Variants in PRKG1 observed in about 807,000 individuals in gnomAD.
PRKG1 encodes the protein cGMP-dependent protein kinase 1.
Under a neutral mutation model 88.1 loss-of-function variants are expected in PRKG1, and 35 were observed. The ratio of observed to expected loss-of-function variants is 0.40; its 90% CI spans 0.30 to 0.53. The LOEUF is 0.53. Among genes scored for constraint, PRKG1 ranks in the 20% least tolerant of loss-of-function variants. The pLI is 0.59. For synonymous variants in PRKG1, 303 were observed against 292.5 expected (o/e 1.04, Z -0.37); for missense variants, 540 against 839.8 (o/e 0.64, Z 4.41).
intron 4 of PRKG1, among the ~76,000 whole-genome samples, chr10:51,875,523 T>C (rs908276285): frequency 2.6e-5 from 4 of 152,132 alleles, no homozygotes; most frequent in African/African-American, 4.8e-5. Flanking sequence ...TTCTCCAGCT[T>C]CAGCCTCCCA....
At chr10:51,450,608 A>G (rs1197846203) in intron 2 of PRKG1, among the ~76,000 whole-genome samples, 1 of 152,028 alleles carries the variant, frequency 6.6e-6, no homozygotes. Flanking sequence ...ATTTCAGTTC[A>G]TTAGAAGAGA....
In PRKG1 at chr10:51,293,050, C is replaced by A. The variant is rs146724082; in HGVS notation, c.478+139720C>A. ...ATTTGCTCTTACTTCTTTCTTCCCC[C>A]CAGCTTTATTGAGGTATGATTGAAA... On this transcript the variant is annotated intron_variant, in intron 2 of 17. Coordinates refer to ENST00000373980, the MANE Select transcript of PRKG1 (RefSeq NM_006258.4). 1.9e-4 allele frequency among the ~76,000 whole-genome samples: 29 copies of A among 152,094 alleles called. No individual in the cohort carries two copies. The East Asian group carries it at 5.4e-3, about 28-fold the overall frequency.
intron 2 of PRKG1, among the ~76,000 whole-genome samples, chr10:51,351,518 T>C (rs1842246101): frequency 6.6e-6 from 1 of 152,110 alleles, no homozygotes; most frequent in Non-Finnish European, 1.5e-5. Context: ...ATGATGAGTT[T>C]TTTTTTCATA....
chr10:51,697,978 T>C, intron 3 of PRKG1: 1 of 1,607,700 alleles, frequency 6.2e-7, no homozygotes, highest in Non-Finnish European at 8.5e-7. Flanking sequence ...TCCCTCCTCC[T>C]TGTATGCCTG....
At chr10:51,618,851 T>G (rs561794168) in intron 3 of PRKG1, among the ~76,000 whole-genome samples, 1 of 151,818 alleles carries the variant, frequency 6.6e-6, no homozygotes, top group Non-Finnish European at 1.5e-5. Context: ...TTACTGCAAC[T>G]TCCGCCTCCT....
intron 2 of PRKG1, among the ~76,000 whole-genome samples, chr10:51,233,366 A>C (rs1011230928): frequency 6.6e-6 from 1 of 152,186 alleles, no homozygotes; most frequent in Non-Finnish European, 1.5e-5. Flanking sequence ...CTTGAGATCT[A>C]TTTCTACACT....
chr10:52,215,394 CAAAA>C (rs565578326), intron 9 of PRKG1, among the ~76,000 whole-genome samples: 4 of 95,840 alleles, frequency 4.2e-5, no homozygotes, highest in African/African-American at 7.9e-5. Flanking sequence ...AACTCCATCT[CAAAA>C]AAAAAAAAAA....
At chr10:51,529,279 G>T (rs185801033) in intron 3 of PRKG1, among the ~76,000 whole-genome samples, 1 of 152,108 alleles carries the variant, frequency 6.6e-6, no homozygotes, top group African/African-American at 2.4e-5. Flanking sequence ...CTACACTATT[G>T]CATTGATGTC....
At chr10:51,727,820 A>C in intron 3 of PRKG1, among the ~76,000 whole-genome samples, 1 of 152,308 alleles carries the variant, frequency 6.6e-6, no homozygotes, top group South Asian at 2.1e-4. Flanking sequence ...ATTTTAATAT[A>C]TTGAAGTCTA....
At chr10:51,448,235 A>C (rs964296019) in intron 2 of PRKG1, among the ~76,000 whole-genome samples, 1 of 152,066 alleles carries the variant, frequency 6.6e-6, no homozygotes, top group African/African-American at 2.4e-5. Context: ...GCAATAGAGC[A>C]AGACCCTGTT....
intron 3 of PRKG1, among the ~76,000 whole-genome samples, chr10:51,575,282 T>C (rs1418773508): frequency 1.3e-5 from 2 of 151,950 alleles, no homozygotes; most frequent in African/African-American, 2.4e-5. Flanking sequence ...AAGTTGGCCT[T>C]TTGGTTAGGC....
At chr10:51,735,930 CTTTTTTT>C (rs1180307253) in intron 3 of PRKG1, among the ~76,000 whole-genome samples, 12 of 74,966 alleles carry the variant, frequency 1.6e-4, no homozygotes, top group African/African-American at 2.2e-4. Flanking sequence ...TTTAAGTTGT[CTTTTTTT>C]TTTTTTTTTT....
intron 11 of PRKG1, 80 bp downstream of exon 11, chr10:52,271,569 A>C (rs1841731523): frequency 7.0e-7 from 1 of 1,427,780 alleles, no homozygotes; most frequent in Admixed American, 2.2e-5. Context: ...ACTTGTGCTC[A>C]CTGTTAACAC....
intron 8 of PRKG1, among the ~76,000 whole-genome samples, chr10:52,150,009 A>G (rs888178641): frequency 4.6e-5 from 7 of 151,780 alleles, no homozygotes; most frequent in Non-Finnish European, 1.0e-4. Context: ...TTAGCTGGGC[A>G]TGGTGGTGGG....
chr10:52,162,524 AATT>A (rs946416538), intron 9 of PRKG1, among the ~76,000 whole-genome samples: 20 of 152,064 alleles, frequency 1.3e-4, no homozygotes, highest in Admixed American at 7.9e-4. Flanking sequence ...TTTTCTGCAA[AATT>A]ATTATTTTTA....
At chr10:52,131,770 C>T (rs900458813) in intron 7 of PRKG1, among the ~76,000 whole-genome samples, 1 of 124,074 alleles carries the variant, frequency 8.1e-6, no homozygotes, top group Non-Finnish European at 1.6e-5. Context: ...TGCAGTGAGC[C>T]GAGTGCTACT....
At chr10:51,963,907 C>A (rs1843506619) in intron 5 of PRKG1, among the ~76,000 whole-genome samples, 1 of 152,136 alleles carries the variant, frequency 6.6e-6, no homozygotes, top group Non-Finnish European at 1.5e-5. Context: ...GCTGCTGTAA[C>A]AAATTACTAC....
chr10:51,008,796 A>G (rs1021272909), intron 1 of PRKG1, among the ~76,000 whole-genome samples: 1 of 152,192 alleles, frequency 6.6e-6, no homozygotes, highest in Non-Finnish European at 1.5e-5. Context: ...ATGGAAAAAA[A>G]AGATTTTGGA....
intron 3 of PRKG1, among the ~76,000 whole-genome samples, chr10:51,612,533 T>C (rs1838938546): frequency 6.6e-6 from 1 of 152,058 alleles, no homozygotes; most frequent in South Asian, 2.1e-4. Flanking sequence ...TTGTGGAATC[T>C]TTTGGTTTTT....
Sources: gnomAD v4.1 joint callset for allele counts (sites outside exome capture counted in the v4.1 genomes callset) on GRCh38, gnomAD v4.1.1 for gene constraint, MANE v1.5 for transcripts, NCBI Gene and HGNC (gene_info 2026-07-23, HGNC 2026-07-21) for gene names.